The following ELAVL2 variants were observed in gnomAD, a reference collection of about 807,000 sequenced individuals.
ELAVL2 encodes ELAV-like protein 2.
In ELAVL2, 4 loss-of-function variants were observed where a neutral mutation model predicts 34.6. The ratio of observed to expected loss-of-function variants is 0.12; its 90% CI spans 0.06 to 0.26. The LOEUF (loss-of-function observed/expected upper bound fraction) is 0.26, where lower values mean the gene tolerates loss of function less well. Ranked by LOEUF, ELAVL2 falls within the 10% of genes least tolerant of loss-of-function variation. The pLI, the probability that ELAVL2 is intolerant of heterozygous loss-of-function variation, is 1.00. For missense variants in ELAVL2, 432 were observed against 442.8 expected (o/e 0.98, Z 0.22); for synonymous variants, 193 against 154.8 (o/e 1.25, Z -1.83).
the ELAVL2 span, among the ~76,000 whole-genome samples, chr9:23,848,240 A>T: frequency 6.6e-6 from 1 of 152,184 alleles, no homozygotes; most frequent in Non-Finnish European, 1.5e-5. Flanking sequence ...ATAGTTAAGA[A>T]CATTGCTAGC....
chr9:23,700,909 T>C (rs535525909), intron 5 of ELAVL2, among the ~76,000 whole-genome samples: 10 of 151,332 alleles, frequency 6.6e-5, no homozygotes, highest in Non-Finnish European at 1.5e-4. Flanking sequence ...TCTGAAGCCC[T>C]GGAAACAATT....
rs753078941 is a variant in ELAVL2 at position 23,755,781 on chromosome 9, C to T, written c.229+6225G>A. ...GCCATCTTTCTAATTAAATAGCATA[C>T]AGAGTTTGCAAAGTGAGGTGTTTAT... On this transcript the variant is annotated intron_variant, in intron 2 of 6. Transcript: ENST00000397312. 1.1e-4 allele frequency among the ~76,000 whole-genome samples: 16 copies of T among 152,232 alleles called. 2 individuals carry two copies. The South Asian group carries it at 1.9e-3, about 18-fold the overall frequency.
intron 1 of ELAVL2, among the ~76,000 whole-genome samples, chr9:23,770,866 G>C (rs977742611): frequency 1.3e-5 from 2 of 152,172 alleles, no homozygotes; most frequent in East Asian, 3.9e-4. Flanking sequence ...GAGATATCTA[G>C]AAGAAAAGAT....
At chr9:23,722,855 T>C (rs2044089373) in intron 3 of ELAVL2, among the ~76,000 whole-genome samples, 1 of 152,198 alleles carries the variant, frequency 6.6e-6, no homozygotes, top group Non-Finnish European at 1.5e-5. Flanking sequence ...GTTTCAAAAG[T>C]AGATACAGCA....
chr9:23,748,362 C>G (rs1203563178), intron 2 of ELAVL2, among the ~76,000 whole-genome samples: 1 of 152,112 alleles, frequency 6.6e-6, no homozygotes, highest in East Asian at 1.9e-4. Flanking sequence ...CACACTGTGT[C>G]CTGTGTCCCA....
Position 23,773,062 on chromosome 9 carries a change from G to GA in ELAVL2, c.-15-10814dup, listed in dbSNP as rs199577098. ...TTCCTGGTTATTTACTACATTTCAA[G>GA]AAAAAAAAGTGGGGGAGGGGGAGAA... is the stretch of plus-strand genomic sequence containing the variant. On this transcript the variant is annotated intron_variant, in intron 1 of 6. Coordinates refer to ENST00000397312, the MANE Select transcript of ELAVL2 (RefSeq NM_004432.5). Among the ~76,000 whole-genome samples, 195 of 151,684 alleles carry GA rather than the reference G, an allele frequency of 1.3e-3. 4 individuals are homozygous for GA. The East Asian group carries it at 0.028, about 22-fold the overall frequency.
chr9:23,701,952 TC>T (rs1252952094), intron 4 of ELAVL2, among the ~76,000 whole-genome samples: 5 of 152,116 alleles, frequency 3.3e-5, no homozygotes, highest in Non-Finnish European at 5.9e-5. Context: ...GTACCGGAGT[TC>T]CATTTTTCAA....
At chr9:23,753,854 G>C (rs747358887) in intron 2 of ELAVL2, among the ~76,000 whole-genome samples, 1 of 152,130 alleles carries the variant, frequency 6.6e-6, no homozygotes, top group African/African-American at 2.4e-5. Context: ...TGTTACAAGA[G>C]AATTTCAACT....
chr9:23,729,745 G>C (rs889160743), intron 3 of ELAVL2, among the ~76,000 whole-genome samples: 1 of 152,088 alleles, frequency 6.6e-6, no homozygotes, highest in Non-Finnish European at 1.5e-5. Context: ...AGGGCTGGTA[G>C]GCATTTTTCT....
intron 1 of ELAVL2, among the ~76,000 whole-genome samples, chr9:23,772,253 C>A (rs925134121): frequency 6.6e-6 from 1 of 152,056 alleles, no homozygotes; most frequent in African/African-American, 2.4e-5. Flanking sequence ...TGAGTGTTTT[C>A]ATTAGGTAGG....
At chr9:23,774,225 AAAAAAAAAAAAAAG>A (rs1206184468) in intron 1 of ELAVL2, among the ~76,000 whole-genome samples, 1 of 148,194 alleles carries the variant, frequency 6.7e-6, no homozygotes, top group Non-Finnish European at 1.5e-5. Flanking sequence ...AAAAAAAAAA[AAAAAAAAAAAAAAG>A]AAAGAAAGAA....
At chr9:23,791,666 G>C (rs556498153) in intron 1 of ELAVL2, among the ~76,000 whole-genome samples, 53 of 152,176 alleles carry the variant, frequency 3.5e-4, no homozygotes, top group Non-Finnish European at 6.5e-4. Context: ...AAAAGGAAGA[G>C]ACACCAATGA....
intron 3 of ELAVL2, among the ~76,000 whole-genome samples, chr9:23,720,408 C>G (rs2043376415): frequency 6.6e-6 from 1 of 151,998 alleles, no homozygotes; most frequent in Non-Finnish European, 1.5e-5. Context: ...GAACTTCTGA[C>G]TGCCCACCTC....
At chr9:23,708,901 G>A (rs995723013) in intron 3 of ELAVL2, among the ~76,000 whole-genome samples, 1 of 151,992 alleles carries the variant, frequency 6.6e-6, no homozygotes, top group Admixed American at 6.6e-5. Flanking sequence ...GCCTCCCAAA[G>A]TGCTGGGATT....
At chr9:23,798,293 C>T (rs143131864) in intron 1 of ELAVL2, among the ~76,000 whole-genome samples, 34 of 152,324 alleles carry the variant, frequency 2.2e-4, no homozygotes, top group African/African-American at 7.2e-4. Context: ...AGTTCTAACA[C>T]CTGGGCAGAG....
intron 5 of ELAVL2, among the ~76,000 whole-genome samples, chr9:23,701,024 G>C (rs1362186050): frequency 6.6e-6 from 1 of 152,130 alleles, no homozygotes; most frequent in Non-Finnish European, 1.5e-5. Flanking sequence ...TACACTGTAG[G>C]AGCTTAGCAG....
intron 1 of ELAVL2, among the ~76,000 whole-genome samples, chr9:23,787,443 G>A (rs1164559195): frequency 3.3e-5 from 5 of 151,600 alleles, no homozygotes; most frequent in Non-Finnish European, 7.4e-5. Flanking sequence ...TGTTGGCCAG[G>A]CTGGTCTCGA....
intron 1 of ELAVL2, among the ~76,000 whole-genome samples, chr9:23,770,241 G>A (rs2057068622): frequency 6.6e-6 from 1 of 152,058 alleles, no homozygotes; most frequent in East Asian, 1.9e-4. Flanking sequence ...AGAATAAGGG[G>A]GGTTGAAAAT....
intron 2 of ELAVL2, among the ~76,000 whole-genome samples, chr9:23,751,533 T>A (rs983606381): frequency 6.6e-6 from 1 of 152,208 alleles, no homozygotes; most frequent in Non-Finnish European, 1.5e-5. Context: ...ATTAGGTTTT[T>A]GAACATCCCA....
Sources: gnomAD v4.1 joint callset for allele counts (sites outside exome capture counted in the v4.1 genomes callset) on GRCh38, gnomAD v4.1.1 for gene constraint, MANE v1.5 for transcripts, NCBI Gene and HGNC (gene_info 2026-07-23, HGNC 2026-07-21) for gene names.